ATRNL1: variants seen among roughly 807,000 people sequenced by gnomAD.
The protein encoded by ATRNL1 is attractin like 1, also known as attractin-like protein 1.
A neutral mutation model predicts 182.7 loss-of-function variants in ATRNL1; 95 were observed. That is an observed-to-expected ratio of 0.52 (90% CI 0.44 to 0.62). The LOEUF (loss-of-function observed/expected upper bound fraction) is 0.62. ATRNL1 is among the 20% of genes least tolerant of loss of function. The probability of loss-of-function intolerance (pLI) is 0.00; values close to 1 mark genes in which losing one functional copy is unlikely to be tolerated. For missense variants in ATRNL1, 1,471 were observed against 1,679.5 expected (o/e 0.88, Z 2.17); for synonymous variants, 576 against 568.3 (o/e 1.01, Z -0.19).
At chr10:115,463,022 T>C (rs1350875676) in intron 22 of ATRNL1, among the ~76,000 whole-genome samples, 1 of 151,610 alleles carries the variant, frequency 6.6e-6, no homozygotes, top group African/African-American at 2.4e-5. Flanking sequence ...GAAGTTATGT[T>C]AAATATATAT....
At chr10:115,147,541 C>T (rs1283703292) in intron 5 of ATRNL1, among the ~76,000 whole-genome samples, 9 of 152,010 alleles carry the variant, frequency 5.9e-5, no homozygotes, top group African/African-American at 1.9e-4. Context: ...AAATCTTTGC[C>T]TAGGTCAATG....
At chr10:115,125,325 G>A (rs111532118) in intron 3 of ATRNL1, among the ~76,000 whole-genome samples, 4 of 152,150 alleles carry the variant, frequency 2.6e-5, no homozygotes, top group Non-Finnish European at 5.9e-5. Flanking sequence ...GTGGCCCGAA[G>A]GTTGCCTAGC....
intron 5 of ATRNL1, among the ~76,000 whole-genome samples, chr10:115,152,801 A>G (rs1242432522): frequency 6.6e-6 from 1 of 152,174 alleles, no homozygotes; most frequent in Non-Finnish European, 1.5e-5. Context: ...CCCGTTTTCA[A>G]AGGGAATGCT....
chr10:115,701,112 A>T (rs186074957), intron 26 of ATRNL1, among the ~76,000 whole-genome samples: 1 of 152,012 alleles, frequency 6.6e-6, no homozygotes, highest in African/African-American at 2.4e-5. Flanking sequence ...CATACCCTCA[A>T]TCCACATTGG....
At chr10:115,727,832 A>G (rs1411604904) in intron 27 of ATRNL1, among the ~76,000 whole-genome samples, 1 of 152,126 alleles carries the variant, frequency 6.6e-6, no homozygotes, top group Non-Finnish European at 1.5e-5. Context: ...GAATATTTTT[A>G]TTTGTGGTTA....
chr10:115,723,715 ATTTATT>A (rs1170700484), intron 26 of ATRNL1, among the ~76,000 whole-genome samples: 1 of 151,720 alleles, frequency 6.6e-6, no homozygotes, highest in Non-Finnish European at 1.5e-5. Flanking sequence ...TGCCTGGCTA[ATTTATT>A]TTTATTTTTA....
At chr10:115,278,746 T>G (rs1852214547) in intron 13 of ATRNL1, among the ~76,000 whole-genome samples, 1 of 152,220 alleles carries the variant, frequency 6.6e-6, no homozygotes, top group South Asian at 2.1e-4. Flanking sequence ...CTAATACTAC[T>G]TTCTGTCACT....
intron 27 of ATRNL1, among the ~76,000 whole-genome samples, chr10:115,757,715 G>T (rs1948627442): frequency 6.6e-6 from 1 of 152,140 alleles, no homozygotes. Context: ...TGCCTTGCTA[G>T]GTTGGGGAAG....
intron 26 of ATRNL1, among the ~76,000 whole-genome samples, chr10:115,640,970 A>T (rs1045720453): frequency 6.6e-6 from 1 of 152,118 alleles, no homozygotes; most frequent in Non-Finnish European, 1.5e-5. Context: ...GAAGGGGTCC[A>T]GTTTCAGTTT....
At chr10:115,299,361 A>C (rs942814431) in intron 15 of ATRNL1, among the ~76,000 whole-genome samples, 1 of 151,978 alleles carries the variant, frequency 6.6e-6, no homozygotes, top group Non-Finnish European at 1.5e-5. Context: ...ATAGTTATGT[A>C]GTATTTGTCA....
chr10:115,376,020 A>G (rs1413675974), intron 19 of ATRNL1, among the ~76,000 whole-genome samples: 2 of 152,086 alleles, frequency 1.3e-5, no homozygotes, highest in African/African-American at 2.4e-5. Flanking sequence ...AATCAGGTCA[A>G]GTGGTGGTGG....
At chr10:115,352,412 C>A (rs976447407) in intron 19 of ATRNL1, among the ~76,000 whole-genome samples, 2 of 151,760 alleles carry the variant, frequency 1.3e-5, no homozygotes, top group African/African-American at 4.8e-5. Flanking sequence ...TATTTGAAAT[C>A]TTTTTTGATG....
intron 20 of ATRNL1, 75 bp from the exon 21 acceptor site, chr10:115,426,175 T>G: frequency 1.7e-6 from 2 of 1,198,568 alleles, no homozygotes; most frequent in Non-Finnish European, 2.4e-6. Context: ...ATATAAATAC[T>G]TTTTTGCTTG....
intron 28 of ATRNL1, among the ~76,000 whole-genome samples, chr10:115,885,015 G>A (rs1210073913): frequency 6.6e-6 from 1 of 152,132 alleles, no homozygotes; most frequent in Non-Finnish European, 1.5e-5. Flanking sequence ...ACCATAATAT[G>A]CTTAAAGCTA....
chr10:115,176,114 A>T lies in ATRNL1; in HGVS notation c.1348+4822A>T, dbSNP rs1847495570. Among the ~76,000 whole-genome samples the T allele has an allele frequency of 2.0e-5, 3 of 152,162 alleles. No individual in the cohort carries two copies. In the South Asian group the frequency reaches 6.2e-4, roughly 31 times the overall value. ...TTGGCTGCATAAATGTCTTCTTTTG[A>T]GAAGTGTCTGTTCATATCCTTCACC... On this transcript the variant is annotated intron_variant, in intron 8 of 28. Coordinates refer to ENST00000355044, the MANE Select transcript of ATRNL1 (RefSeq NM_207303.4).
At chr10:115,355,220 G>A (rs781980441) in intron 19 of ATRNL1, among the ~76,000 whole-genome samples, 2 of 152,112 alleles carry the variant, frequency 1.3e-5, no homozygotes, top group African/African-American at 2.4e-5. Context: ...ATATATGAGC[G>A]TTAAAAATTT....
intron 28 of ATRNL1, among the ~76,000 whole-genome samples, chr10:115,871,871 G>A (rs1245259068): frequency 3.9e-5 from 6 of 152,100 alleles, no homozygotes; most frequent in African/African-American, 1.4e-4. Context: ...TCAATATTAT[G>A]CCACTGGGAA....
chr10:115,456,284 C>T (rs1176131521), intron 21 of ATRNL1, among the ~76,000 whole-genome samples: 2 of 152,130 alleles, frequency 1.3e-5, no homozygotes, highest in African/African-American at 2.4e-5. Context: ...CACATATACA[C>T]CATGGAATAT....
chr10:115,429,801 C>T (rs782234519), intron 21 of ATRNL1, among the ~76,000 whole-genome samples: 1 of 152,164 alleles, frequency 6.6e-6, no homozygotes, highest in Non-Finnish European at 1.5e-5. Flanking sequence ...GGCGCTGTGG[C>T]TCACACCTGT....
Sources: gnomAD v4.1 joint callset for allele counts (sites outside exome capture counted in the v4.1 genomes callset) on GRCh38, gnomAD v4.1.1 for gene constraint, MANE v1.5 for transcripts, NCBI Gene and HGNC (gene_info 2026-07-23, HGNC 2026-07-21) for gene names.